Variants in NLRP2 observed in about 807,000 individuals in gnomAD.
The protein encoded by NLRP2 is NACHT, LRR and PYD domains-containing protein 2.
NLRP2 carries 107 observed loss-of-function variants against 97.2 expected under a neutral mutation model. The observed-to-expected ratio is 1.10, with a 90% CI of 0.94 to 1.29. NLRP2 has a LOEUF of 1.29. Ranked by LOEUF, NLRP2 falls within the 50% of genes most tolerant of loss-of-function variation. The pLI is 0.00. For synonymous variants in NLRP2, 663 were observed against 551.5 expected (o/e 1.20, Z -2.83); for missense variants, 1,495 against 1,330.3 (o/e 1.12, Z -1.93).
intron 3 of NLRP2, 90 bp from the exon 4 acceptor site, chr19:54,977,662 A>G: frequency 1.6e-6 from 2 of 1,222,182 alleles, no homozygotes; most frequent in South Asian, 1.2e-5. Flanking sequence ...TCTAGGCTTC[A>G]CTACTGAGAC....
At chr19:54,997,547 T>G (rs1210874130) in intron 12 of NLRP2, 60 bp downstream of exon 12, 15 of 1,552,678 alleles carry the variant, frequency 9.7e-6, no homozygotes, top group Non-Finnish European at 1.3e-5. Flanking sequence ...AGGGGAAGCA[T>G]AATGACATGG....
intron 11 of NLRP2, 96 bp from the exon 12 acceptor site, chr19:54,997,221 C>A: frequency 1.6e-6 from 2 of 1,268,038 alleles, no homozygotes; most frequent in South Asian, 2.4e-5. Flanking sequence ...TTCTGTTGGT[C>A]ATGCAGATCC....
chr19:54,976,808 CTCTCT>C (rs1568479729), intron 3 of NLRP2: 1 of 229,266 alleles, frequency 4.4e-6, no homozygotes, highest in African/African-American at 1.5e-4. Context: ...ACCTTGTTCT[CTCTCT>C]TTTTTTTTTT....
intron 12 of NLRP2, among the ~76,000 whole-genome samples, chr19:54,999,721 T>C (rs1440335573): frequency 2.6e-5 from 4 of 152,172 alleles, no homozygotes. Flanking sequence ...AAGTCTTTAA[T>C]ATTACATTTT....
At position 54,985,031 on chromosome 19, in the gene NLRP2, C is replaced by T. The variant is rs74751607; in HGVS notation, c.2031-16C>T. On this transcript the variant is annotated splice_polypyrimidine_tract_variant and intron_variant, in intron 6 of 12. Transcript: ENST00000448584. ...GGACACACATTTGGTGTAACCCTTT[C>T]TTCTCTTCCCTATAGATCCCAGGAT... 1,087 of 1,613,718 alleles carry T rather than the reference C, an allele frequency of 6.7e-4. 4 individuals are homozygous for T. The African/African-American group carries it at 0.012, about 17-fold the overall frequency.
intron 12 of NLRP2, among the ~76,000 whole-genome samples, chr19:54,998,612 TTTTTTTTTTTTTTTTTTCC>T (rs1225855964): frequency 3.1e-4 from 9 of 28,816 alleles, no homozygotes; most frequent in African/African-American, 9.5e-4. Flanking sequence ...ATCTTTTTTC[TTTTTTTTTTTTTTTTTTCC>T]TTTTTTTTTT....
intron 7 of NLRP2, among the ~76,000 whole-genome samples, chr19:54,985,490 C>G (rs996496159): frequency 6.6e-6 from 1 of 151,938 alleles, no homozygotes; most frequent in Non-Finnish European, 1.5e-5. Flanking sequence ...CCAGCCTGGC[C>G]AACGTGACAA....
chr19:54,981,508 T>TTCCCCCCCCCC, intron 4 of NLRP2, 109 bp from the exon 5 acceptor site: 5 of 438,150 alleles, frequency 1.1e-5, no homozygotes, highest in South Asian at 5.5e-5. Flanking sequence ...TCTGATCCCG[T>TTCCCCCCCCCC]GCCCCCCCTC....
intron 4 of NLRP2, among the ~76,000 whole-genome samples, chr19:54,980,207 GTTT>G (rs11288227): frequency 6.7e-6 from 1 of 148,206 alleles, no homozygotes; most frequent in Non-Finnish European, 1.5e-5. Flanking sequence ...GTTTTGTTTT[GTTT>G]TTTTTTTTGA....
At chr19:54,989,858 G>C (rs1375047888) in intron 8 of NLRP2, 164 bp from the exon 9 acceptor site, 2 of 699,250 alleles carry the variant, frequency 2.9e-6, no homozygotes, top group Admixed American at 4.5e-5. Context: ...TTGGTGCATG[G>C]TGCATGCCTG....
At chr19:54,979,167 T>C (rs2071421632) in intron 4 of NLRP2, among the ~76,000 whole-genome samples, 2 of 151,630 alleles carry the variant, frequency 1.3e-5, no homozygotes, top group South Asian at 4.2e-4. Context: ...GTGTTTTTAG[T>C]ACAGATGGGG....
At chr19:54,995,969 G>T (rs1012211309) in intron 11 of NLRP2, among the ~76,000 whole-genome samples, 1 of 146,780 alleles carries the variant, frequency 6.8e-6, no homozygotes, top group African/African-American at 2.5e-5. Flanking sequence ...GAGCCTGGGA[G>T]GAAGAAGTTA....
chr19:54,981,986 C>T (rs113535138), intron 5 of NLRP2, among the ~76,000 whole-genome samples, 176 bp from the exon 6 acceptor site: 3 of 152,232 alleles, frequency 2.0e-5, no homozygotes, highest in African/African-American at 7.2e-5. Context: ...TCATGTTGGT[C>T]AGGCTGGTGT....
intron 1 of NLRP2, among the ~76,000 whole-genome samples, chr19:54,969,166 A>C (rs1264721842): frequency 6.6e-6 from 1 of 152,110 alleles, no homozygotes; most frequent in African/African-American, 2.4e-5. Context: ...GTTAACTTTT[A>C]GAACCTGAGC....
At chr19:54,978,265 G>A (rs146007049) in intron 4 of NLRP2, among the ~76,000 whole-genome samples, 3,499 of 135,882 alleles carry the variant, frequency 0.026, 59 homozygotes, top group African/African-American at 0.053. Flanking sequence ...ACGAAGTCTT[G>A]TTCTTGTCAC....
At chr19:54,966,825 CTTTTTTTTTTTTTT>C (rs1044701142) in intron 1 of NLRP2, among the ~76,000 whole-genome samples, 5 of 74,988 alleles carry the variant, frequency 6.7e-5, no homozygotes, top group South Asian at 5.9e-4. Flanking sequence ...CGCGCCCAGC[CTTTTTTTTTTTTTT>C]TTTTTTTTTT....
At chr19:54,998,295 G>T (rs1372825001) in intron 12 of NLRP2, among the ~76,000 whole-genome samples, 5 of 152,008 alleles carry the variant, frequency 3.3e-5, no homozygotes, top group African/African-American at 1.2e-4. Context: ...TGGGATTACA[G>T]GCATGAGCCA....
At chr19:54,996,310 T>C (rs2072820319) in intron 11 of NLRP2, among the ~76,000 whole-genome samples, 1 of 151,988 alleles carries the variant, frequency 6.6e-6, no homozygotes, top group East Asian at 1.9e-4. Flanking sequence ...TAGACCAGCC[T>C]GTCTCTACTA....
chr19:54,989,122 T>C (rs1300162425), intron 8 of NLRP2, among the ~76,000 whole-genome samples: 1 of 151,734 alleles, frequency 6.6e-6, no homozygotes, highest in East Asian at 2.0e-4. Flanking sequence ...CACGCCCATC[T>C]AACTTTTGTA....
Sources: allele counts gnomAD v4.1 joint callset (sites outside exome capture counted in the v4.1 genomes callset), GRCh38; gene constraint gnomAD v4.1.1; transcripts MANE v1.5; gene names NCBI Gene and HGNC (gene_info 2026-07-23, HGNC 2026-07-21).